Variants in MBD5 observed in about 807,000 individuals in gnomAD.
The protein encoded by MBD5 is methyl-CpG-binding domain protein 5.
MBD5 carries 13 observed loss-of-function variants against 117.3 expected under a neutral mutation model. That is an observed-to-expected ratio of 0.11 (90% CI 0.07 to 0.18). The LOEUF is 0.18. MBD5 is among the 10% of genes least tolerant of loss of function. MBD5 has a pLI of 1.00. For missense variants in MBD5, 1,879 were observed against 2,093.8 expected (o/e 0.90, Z 2.00); for synonymous variants, 727 against 766.4 (o/e 0.95, Z 0.85).
At chr2:148,352,806 T>C (rs1008545479) in intron 4 of MBD5, among the ~76,000 whole-genome samples, 1 of 152,100 alleles carries the variant, frequency 6.6e-6, no homozygotes, top group African/African-American at 2.4e-5. Context: ...TTTTGGAATA[T>C]TTGCATTATC....
chr2:148,226,476 T>C (rs1330285673), intron 2 of MBD5, among the ~76,000 whole-genome samples: 2 of 152,168 alleles, frequency 1.3e-5, no homozygotes, highest in Admixed American at 6.5e-5. Flanking sequence ...TATTCCATGG[T>C]GTATATGTGC....
intron 3 of MBD5, among the ~76,000 whole-genome samples, chr2:148,300,047 A>T (rs1243348812): frequency 6.6e-6 from 1 of 151,920 alleles, no homozygotes; most frequent in Non-Finnish European, 1.5e-5. Context: ...TGAATAAGTG[A>T]CTACATTTGG....
At chr2:148,028,158 C>T (rs1344855606) in intron 1 of MBD5, 1 of 151,948 alleles carries the variant, frequency 6.6e-6, no homozygotes, top group East Asian at 1.9e-4. Flanking sequence ...CCTATATAAC[C>T]TTTTATTAGA....
At chr2:148,127,219 G>A (rs1438997542) in intron 1 of MBD5, among the ~76,000 whole-genome samples, 6 of 151,948 alleles carry the variant, frequency 3.9e-5, no homozygotes. Flanking sequence ...CGCCCACCTC[G>A]GCCTCCCAAT....
At chr2:148,314,769 G>A (rs1702120168) in intron 3 of MBD5, among the ~76,000 whole-genome samples, 1 of 151,994 alleles carries the variant, frequency 6.6e-6, no homozygotes, top group Non-Finnish European at 1.5e-5. Flanking sequence ...AAATTATTTA[G>A]ATATTCAGTA....
intron 4 of MBD5, among the ~76,000 whole-genome samples, chr2:148,363,550 A>C (rs1005362332): frequency 1.3e-5 from 2 of 152,092 alleles, no homozygotes; most frequent in Non-Finnish European, 2.9e-5. Context: ...ACCTTGAGAA[A>C]AGGTTAGACA....
intron 4 of MBD5, among the ~76,000 whole-genome samples, chr2:148,443,673 G>T (rs1031241321): frequency 6.6e-6 from 1 of 151,186 alleles, no homozygotes; most frequent in African/African-American, 2.5e-5. Flanking sequence ...ACTTATTTGT[G>T]GGAGCTAAAA....
At chr2:148,240,054 GGCACATAT>G (rs1240539259) in intron 3 of MBD5, among the ~76,000 whole-genome samples, 1 of 152,098 alleles carries the variant, frequency 6.6e-6, no homozygotes, top group African/African-American at 2.4e-5. Flanking sequence ...AAGAAAATGT[GGCACATAT>G]ACACCATGGA....
chr2:148,212,777 T>C (rs139879353), intron 2 of MBD5, among the ~76,000 whole-genome samples: 87 of 152,292 alleles, frequency 5.7e-4, no homozygotes, highest in African/African-American at 2.0e-3. Flanking sequence ...TTTTAGCATA[T>C]TCATTTTTTC....
intron 1 of MBD5, among the ~76,000 whole-genome samples, chr2:148,112,517 G>C (rs1696525337): frequency 6.6e-6 from 1 of 152,038 alleles, no homozygotes; most frequent in Non-Finnish European, 1.5e-5. Flanking sequence ...TTAACACTTT[G>C]CAAAGTAACA....
intron 3 of MBD5, among the ~76,000 whole-genome samples, chr2:148,275,234 A>T (rs536605569): frequency 6.6e-6 from 1 of 152,132 alleles, no homozygotes; most frequent in East Asian, 1.9e-4. Context: ...ATGAAAATTT[A>T]TATTTTTCTT....
intron 3 of MBD5, among the ~76,000 whole-genome samples, chr2:148,282,172 G>A (rs1245337457): frequency 1.3e-5 from 2 of 152,048 alleles, no homozygotes; most frequent in Admixed American, 6.6e-5. Flanking sequence ...TCTCTAAAGT[G>A]TCTATTGCCA....
At chr2:148,088,781 T>C (rs749381348) in intron 1 of MBD5, among the ~76,000 whole-genome samples, 6 of 152,012 alleles carry the variant, frequency 3.9e-5, no homozygotes, top group South Asian at 2.1e-4. Context: ...TCACAGAACC[T>C]ATAAAAAATA....
chr2:148,261,824 T>A (rs1450710562), intron 3 of MBD5, among the ~76,000 whole-genome samples: 1 of 152,252 alleles, frequency 6.6e-6, no homozygotes, highest in Non-Finnish European at 1.5e-5. Context: ...TTGATTTGAA[T>A]TGAGACATGT....
chr2:148,137,495 T>C (rs1274056966), intron 1 of MBD5, among the ~76,000 whole-genome samples: 3 of 152,188 alleles, frequency 2.0e-5, no homozygotes, highest in Non-Finnish European at 4.4e-5. Flanking sequence ...GCCTCTTGGC[T>C]CACACCTGTA....
chr2:148,375,823 C>G (rs1703971483), intron 4 of MBD5, among the ~76,000 whole-genome samples: 1 of 151,706 alleles, frequency 6.6e-6, no homozygotes, highest in Non-Finnish European at 1.5e-5. Flanking sequence ...CTATTTTTGC[C>G]TTCAGTAATC....
chr2:148,039,743 G>C (rs1694303158), intron 1 of MBD5, among the ~76,000 whole-genome samples: 1 of 152,104 alleles, frequency 6.6e-6, no homozygotes, highest in Non-Finnish European at 1.5e-5. Flanking sequence ...ACGTGGAATA[G>C]GAGTTATATT....
rs139896937 is a variant in MBD5, at chr2:148,120,954, G to A, written c.-924-57746G>A. ...GGAAGTTTCTTTCTATTCCTAGTTT[G>A]TTGGATGTGCTGATTAAGTTATTGA... On this transcript the variant is annotated intron_variant, in intron 1 of 13. Transcript: ENST00000642680. Among the ~76,000 whole-genome samples, 1,391 of 152,216 alleles carry A rather than the reference G, an allele frequency of 9.1e-3. 14 individuals carry two copies. The highest frequency in any genetic ancestry group is 0.031 in the African/African-American group (1,291 of 41,536).
intron 1 of MBD5, among the ~76,000 whole-genome samples, chr2:148,154,500 C>A (rs2105691727): frequency 6.6e-6 from 1 of 152,288 alleles, no homozygotes; most frequent in East Asian, 1.9e-4. Flanking sequence ...CCTAAGCAAG[C>A]CTGGGCAATG....
Sources: allele counts gnomAD v4.1 joint callset (sites outside exome capture counted in the v4.1 genomes callset), GRCh38; gene constraint gnomAD v4.1.1; transcripts MANE v1.5; gene names NCBI Gene and HGNC (gene_info 2026-07-23, HGNC 2026-07-21).